The following ERMP1 variants were observed in gnomAD, a reference collection of about 807,000 sequenced individuals.
ERMP1 encodes the protein Felix-ina.
ERMP1 carries 86 observed loss-of-function variants against 92.0 expected under a neutral mutation model. The observed-to-expected ratio is 0.93, with a 90% CI of 0.79 to 1.12. The LOEUF (loss-of-function observed/expected upper bound fraction) is 1.12. Ranked by LOEUF, ERMP1 falls within the 50% of genes most tolerant of loss-of-function variation. The probability of loss-of-function intolerance (pLI) is 0.00; values close to 1 mark genes in which losing one functional copy is unlikely to be tolerated. For missense variants in ERMP1, 1,342 were observed against 1,116.3 expected (o/e 1.20, Z -2.88); for synonymous variants, 530 against 412.8 (o/e 1.28, Z -3.44).
chr9:5,812,140 A>C lies in ERMP1; in HGVS notation c.1099T>G (p.Ser367Ala), dbSNP rs538690277. 1.6e-5 allele frequency: 25 copies of C among 1,605,046 alleles called. No individual in the cohort carries two copies. In the South Asian group the frequency reaches 2.6e-4, roughly 17 times the overall value. Residue 367 changes from serine to alanine, a missense_variant, in exon 6 of 15, where the codon TCC (serine) becomes GCC (alanine). By Grantham distance (99) the Ser-to-Ala change is moderately conservative (BLOSUM62 1). Transcript: ENST00000339450. ...YDTADRILTDSIQRAGDNILA... is the reference protein window; with the variant it reads ...YDTADRILTDAIQRAGDNILA... ...GAATACCAACCTGCTCTCTGAATGG[A>C]ATCTGTTAGAATTCTGTCCGCTGTG...
intron 1 of ERMP1, among the ~76,000 whole-genome samples, chr9:5,831,352 T>A (rs1829932236): frequency 6.6e-6 from 1 of 152,196 alleles, no homozygotes; most frequent in African/African-American, 2.4e-5. Context: ...ACGCCTGTAA[T>A]CCCAGGACTT....
At position 5,805,914 on chromosome 9, in the gene ERMP1, C is replaced by A. The variant is rs1175381273; in HGVS notation, c.1549-129G>T. The A allele has an allele frequency of 2.6e-5, 18 of 681,398 alleles. No homozygotes were observed. The East Asian group carries it at 5.0e-4, about 19-fold the overall frequency. The allele number at this position is 681,398 out of a possible 1,614,324, so 42.2% of individuals were successfully genotyped here. ...TTTTAAACACAGTCTGCTCTTTAAACTGATTTAAAGTAAACACTAACAAAG... is the reference window on the plus strand; with the variant it reads ...TTTTAAACACAGTCTGCTCTTTAAAATGATTTAAAGTAAACACTAACAAAG... On this transcript the variant is annotated intron_variant, in intron 8 of 14. Coordinates refer to ENST00000339450, the MANE Select transcript of ERMP1 (RefSeq NM_024896.3).
chr9:5,848,257 T>TA (rs1250664611), intron 6 of ERMP1, among the ~76,000 whole-genome samples: 2 of 152,112 alleles, frequency 1.3e-5, no homozygotes, highest in African/African-American at 4.8e-5. Flanking sequence ...CATGGATCTT[T>TA]ATGAAGGAAA....
chr9:5,841,969 G>T (rs990781867), intron 6 of ERMP1, among the ~76,000 whole-genome samples: 32 of 152,188 alleles, frequency 2.1e-4, no homozygotes, highest in Non-Finnish European at 4.1e-4. Flanking sequence ...ATCCGGAGTT[G>T]TTTTTTCCTC....
At chr9:5,817,510 G>C (rs1829364136) in intron 4 of ERMP1, among the ~76,000 whole-genome samples, 1 of 152,198 alleles carries the variant, frequency 6.6e-6, no homozygotes, top group South Asian at 2.1e-4. Flanking sequence ...CTCTTAATCA[G>C]TACCCTATCC....
chr9:5,811,287 G>A lies in ERMP1; in HGVS notation c.1151C>T (p.Thr384Ile), dbSNP rs1829082135. 1 of 1,613,516 alleles carries A rather than the reference G, an allele frequency of 6.2e-7. No individual in the cohort carries two copies. Among genetic ancestry groups the A allele is most frequent in the South Asian group, 1.1e-5 (1 of 91,062 alleles). Residue 384 changes from threonine (T) to isoleucine (I), a missense_variant, in exon 7 of 15, where the codon ACA becomes ATA. Coordinates refer to ENST00000339450, the MANE Select transcript of ERMP1 (RefSeq NM_024896.3). ...AGAAGCAGCAGCCAGCATATCAGAT[G>A]TAGCTAGATGCTTAAGAACTGCTAA... ...NILAVLKHLA[T>I]SDMLAAASKY...
Position 5,833,080 on chromosome 9 carries a change from C to CCGCGGCCGA in ERMP1, c.-54_-53insTCGGCCGCG. 7.3e-7 allele frequency: 1 copy of CCGCGGCCGA among 1,364,370 alleles called. No individual in the cohort carries two copies. Among genetic ancestry groups the CCGCGGCCGA allele is most frequent in the South Asian group, 1.7e-5 (1 of 60,398 alleles). The allele number at this position is 1,364,370 out of a possible 1,614,324, so 84.5% of individuals were successfully genotyped here. A position where few individuals can be genotyped will look rare whatever the true frequency, so the allele number is the denominator to read the frequency against. ...CCGCCCCAACCCGCGACAGCCCCGG[C>CCGCGGCCGA]CGCCGCCGACGCCGCCGTCGCTGCC... On this transcript the variant is annotated 5_prime_UTR_variant, in exon 1 of 15. Coordinates refer to ENST00000339450, the MANE Select transcript of ERMP1 (RefSeq NM_024896.3).
chr9:5,834,732 T>TGTGTGTGC, upstream of ERMP1, among the ~76,000 whole-genome samples: 2 of 150,246 alleles, frequency 1.3e-5, no homozygotes, highest in East Asian at 3.9e-4. Flanking sequence ...TGTGTGTGTG[T>TGTGTGTGC]GTGTGTGTGT....
chr9:5,796,037 T>C (rs1828411592), intron 13 of ERMP1, among the ~76,000 whole-genome samples: 1 of 152,116 alleles, frequency 6.6e-6, no homozygotes, highest in Non-Finnish European at 1.5e-5. Context: ...TAAGGAAAAC[T>C]ACAGAACTGA....
intron 13 of ERMP1, chr9:5,791,212 T>G (rs1473702321): frequency 6.6e-6 from 3 of 456,652 alleles, no homozygotes; most frequent in African/African-American, 6.0e-5. Flanking sequence ...TGATTGAGAT[T>G]TATTTTAAGG....
chr9:5,859,569 G>A (rs1326624536), exon 6 of ERMP1, among the ~76,000 whole-genome samples: 3 of 152,210 alleles, frequency 2.0e-5, no homozygotes, highest in South Asian at 2.1e-4. Flanking sequence ...GTTCCGAGGC[G>A]AAGTTCAGGG....
chr9:5,813,752 A>G (rs1829197525), intron 4 of ERMP1, among the ~76,000 whole-genome samples: 1 of 151,560 alleles, frequency 6.6e-6, no homozygotes, highest in African/African-American at 2.4e-5. Context: ...GTTACTTTTT[A>G]TAATTTATCA....
intron 4 of ERMP1, among the ~76,000 whole-genome samples, chr9:5,817,706 C>T (rs1829371343): frequency 2.0e-5 from 3 of 152,122 alleles, no homozygotes; most frequent in African/African-American, 4.8e-5. Context: ...GCATGCGTAA[C>T]GTTCAGAGGA....
chr9:5,805,420 T>C (rs573456288), intron 9 of ERMP1, among the ~76,000 whole-genome samples, 191 bp downstream of exon 9: 8 of 152,278 alleles, frequency 5.3e-5, no homozygotes, highest in African/African-American at 1.9e-4. Context: ...ACAAGTAATA[T>C]ATTAGTATGT....
At position 5,785,318 on chromosome 9, in the gene ERMP1, T is replaced by C. The variant is rs1049766377; in HGVS notation, c.*1826A>G. 1.3e-5 allele frequency: 2 copies of C among 152,070 alleles called. No individual in the cohort carries two copies. The highest frequency in any genetic ancestry group is 2.9e-5 in the Non-Finnish European group (2 of 68,004). The allele number at this position is 152,070 out of a possible 1,614,324, so 9.4% of individuals were successfully genotyped here. ...TCAGATGAACCACGGGGATAGAAAA[T>C]AGGCCCATTTTTAAAATTCATTGAG... On this transcript the variant is annotated 3_prime_UTR_variant, in exon 15 of 15. Transcript: ENST00000339450.
chr9:5,865,599 G>A (rs148171558), intron 5 of ERMP1, among the ~76,000 whole-genome samples: 92 of 151,688 alleles, frequency 6.1e-4, no homozygotes, highest in East Asian at 7.7e-4. Context: ...TTCGCAGGCC[G>A]AGGCAAGCGG....
chr9:5,803,282 G>A (rs776742189), intron 10 of ERMP1, among the ~76,000 whole-genome samples: 2 of 152,128 alleles, frequency 1.3e-5, no homozygotes, highest in African/African-American at 2.4e-5. Flanking sequence ...ATCAAAGTGC[G>A]GCAGGGCTAT....
chr9:5,830,714 A>T lies in ERMP1; in HGVS notation c.640+13T>A. The T allele has an allele frequency of 6.3e-7, 1 of 1,586,548 alleles. No homozygotes were observed. The highest frequency in any genetic ancestry group is 8.6e-7 in the Non-Finnish European group (1 of 1,164,816). Reference sequence around the variant, plus strand: ...TGTGACAAGTTCCAAATGACTAAAAAACAGGTACATACCTGGTGAGTTTGC... The same window carrying T: ...TGTGACAAGTTCCAAATGACTAAAATACAGGTACATACCTGGTGAGTTTGC... On this transcript the variant is annotated intron_variant, in intron 2 of 14. Transcript: ENST00000339450.
intron 5 of ERMP1, 99 bp downstream of exon 5, chr9:5,812,790 G>A: frequency 2.3e-6 from 3 of 1,313,002 alleles, no homozygotes; most frequent in Admixed American, 3.4e-5. Flanking sequence ...TAAAGAATTT[G>A]ATCTCAGAAA....
Sources: allele counts gnomAD v4.1 joint callset (sites outside exome capture counted in the v4.1 genomes callset), GRCh38; gene constraint gnomAD v4.1.1; transcripts MANE v1.5; gene names NCBI Gene and HGNC (gene_info 2026-07-23, HGNC 2026-07-21).